PRKCA: variants seen among roughly 807,000 people sequenced by gnomAD.
PRKCA encodes the protein protein kinase C alpha type.
PRKCA carries 27 observed loss-of-function variants against 87.0 expected under a neutral mutation model. That is an observed-to-expected ratio of 0.31 (90% CI 0.23 to 0.43). The LOEUF is 0.43. PRKCA is among the 20% of genes least tolerant of loss of function. The pLI is 1.00. For synonymous variants in PRKCA, 329 were observed against 311.1 expected, an observed-to-expected ratio of 1.06 and a Z score of -0.61; for missense variants, 518 against 852.3, an observed-to-expected ratio of 0.61 and a Z score of 4.88.
At chr17:66,723,099 C>T (rs542005151) in intron 8 of PRKCA, among the ~76,000 whole-genome samples, 19 of 152,192 alleles carry the variant, frequency 1.2e-4, no homozygotes, top group Non-Finnish European at 2.6e-4. Flanking sequence ...GGATGTGCCT[C>T]AACCTCACAA....
chr17:66,493,423 A>C (rs926396259), intron 2 of PRKCA, among the ~76,000 whole-genome samples: 1 of 152,068 alleles, frequency 6.6e-6, no homozygotes, highest in Non-Finnish European at 1.5e-5. Flanking sequence ...CTGCCAGTGC[A>C]TATGACATGA....
At chr17:66,397,475 G>A (rs1402869632) in intron 2 of PRKCA, among the ~76,000 whole-genome samples, 2 of 151,842 alleles carry the variant, frequency 1.3e-5, no homozygotes, top group Non-Finnish European at 2.9e-5. Context: ...AGGACTTTAA[G>A]GAAGAAAAGA....
intron 2 of PRKCA, among the ~76,000 whole-genome samples, chr17:66,414,502 C>A (rs920916476): frequency 3.3e-5 from 5 of 152,272 alleles, no homozygotes; most frequent in African/African-American, 1.2e-4. Context: ...TACCCAGTCT[C>A]AGGTATTTCC....
chr17:66,592,895 C>T (rs1024065375), intron 3 of PRKCA, among the ~76,000 whole-genome samples: 10 of 152,204 alleles, frequency 6.6e-5, no homozygotes, highest in South Asian at 4.1e-4. Flanking sequence ...TGGGTTCAAG[C>T]GATTCTCCTG....
chr17:66,533,604 G>A (rs1272175469), intron 3 of PRKCA, among the ~76,000 whole-genome samples: 1 of 152,174 alleles, frequency 6.6e-6, no homozygotes, highest in Non-Finnish European at 1.5e-5. Flanking sequence ...GACTCATCTT[G>A]CCCATTCATT....
In PRKCA at chr17:66,711,525, T is replaced by G. The variant is rs1316013486; in HGVS notation, c.919-21163T>G. On this transcript the variant is annotated intron_variant, in intron 8 of 16. Coordinates refer to ENST00000413366, the MANE Select transcript of PRKCA (RefSeq NM_002737.3). ...TTGCATGTAAATGGTTTTAAAAACC[T>G]GGTCTATTATTGTCATTTCTGATAG... 2.0e-5 allele frequency among the ~76,000 whole-genome samples: 3 copies of G among 152,220 alleles called. No individual in the cohort carries two copies. In the South Asian group the frequency reaches 6.2e-4, roughly 31 times the overall value.
intron 2 of PRKCA, among the ~76,000 whole-genome samples, chr17:66,427,924 G>A (rs1598663207): frequency 6.6e-6 from 1 of 152,304 alleles, no homozygotes; most frequent in African/African-American, 2.4e-5. Flanking sequence ...CTCCAAACGA[G>A]GACAAAGTTA....
chr17:66,757,635 A>T (rs1042873003), intron 13 of PRKCA, among the ~76,000 whole-genome samples: 2 of 151,888 alleles, frequency 1.3e-5, no homozygotes, highest in Non-Finnish European at 2.9e-5. Flanking sequence ...TTCAAAAGGG[A>T]AGGAGAAATA....
intron 3 of PRKCA, among the ~76,000 whole-genome samples, chr17:66,566,482 T>A (rs1014701435): frequency 1.1e-5 from 1 of 94,134 alleles, no homozygotes; most frequent in Non-Finnish European, 2.6e-5. Context: ...GTTTTTTGGT[T>A]TTTTTTTTTT....
intron 2 of PRKCA, among the ~76,000 whole-genome samples, chr17:66,440,574 G>T (rs1040981406): frequency 4.6e-5 from 7 of 152,170 alleles, no homozygotes; most frequent in Admixed American, 4.6e-4. Context: ...GGCAGTGAGT[G>T]ACAGGCAGGA....
chr17:66,351,390 A>G (rs1174031363), intron 2 of PRKCA, among the ~76,000 whole-genome samples: 9 of 152,086 alleles, frequency 5.9e-5, no homozygotes, highest in Admixed American at 5.2e-4. Context: ...GTTGGTTCCT[A>G]TGGTATGTGT....
chr17:66,518,620 T>C (rs1967050856), intron 3 of PRKCA, among the ~76,000 whole-genome samples: 1 of 152,160 alleles, frequency 6.6e-6, no homozygotes, highest in Admixed American at 6.6e-5. Context: ...TCCTGAAATT[T>C]GACAGATGGA....
intron 2 of PRKCA, among the ~76,000 whole-genome samples, chr17:66,432,624 G>C (rs534493797): frequency 6.6e-6 from 1 of 152,276 alleles, no homozygotes; most frequent in African/African-American, 2.4e-5. Flanking sequence ...GGAGAACCTA[G>C]GCCTTGTCAC....
chr17:66,441,162 CAAAAAAAAAAAAAAAAA>C (rs199828612), intron 2 of PRKCA, among the ~76,000 whole-genome samples: 1 of 107,176 alleles, frequency 9.3e-6, no homozygotes, highest in African/African-American at 4.0e-5. Flanking sequence ...ACTCTGTCTC[CAAAAAAAAAAAAAAAAA>C]AAAAAAAAAG....
At chr17:66,471,291 C>A (rs976175146) in intron 2 of PRKCA, among the ~76,000 whole-genome samples, 2 of 152,206 alleles carry the variant, frequency 1.3e-5, no homozygotes, top group African/African-American at 4.8e-5. Context: ...GAACTGTGTT[C>A]TCTGGCAATG....
intron 3 of PRKCA, among the ~76,000 whole-genome samples, chr17:66,560,112 T>C (rs1968633352): frequency 6.6e-6 from 1 of 152,070 alleles, no homozygotes; most frequent in Non-Finnish European, 1.5e-5. Context: ...AAATAAATGG[T>C]GATCAATCCC....
Position 66,803,574 on chromosome 17 carries a change from C to T in PRKCA, c.1855-299C>T, listed in dbSNP as rs560400918. Among the ~76,000 whole-genome samples the T allele has an allele frequency of 1.7e-3, 258 of 152,322 alleles. 1 individual carries two copies. The highest frequency in any genetic ancestry group is 5.5e-3 in the African/African-American group (230 of 41,590). On this transcript the variant is annotated intron_variant, in intron 16 of 16. Transcript: ENST00000413366. This position sits in a 1 kb window ranked among gnomAD's most constrained non-coding sequence, Gnocchi z 4.4. ...TTCCGTGCTCTCAGCTCCGCTTGCT[C>T]GGTGAGGTGGACGTGAGGGGACAGG... is the stretch of plus-strand genomic sequence containing the variant.
chr17:66,694,766 TTA>T (rs1035415044), intron 8 of PRKCA, among the ~76,000 whole-genome samples: 1 of 94,946 alleles, frequency 1.1e-5, no homozygotes, highest in Non-Finnish European at 2.1e-5. Context: ...TTTCCAATGG[TTA>T]AAAAAAAAAA....
chr17:66,634,058 T>C (rs1221081747), intron 3 of PRKCA, among the ~76,000 whole-genome samples: 7 of 152,192 alleles, frequency 4.6e-5, no homozygotes, highest in Non-Finnish European at 8.8e-5. Flanking sequence ...GTAATGATGA[T>C]GGTGATAAAG....
Sources: allele counts gnomAD v4.1 joint callset (sites outside exome capture counted in the v4.1 genomes callset), GRCh38; gene constraint gnomAD v4.1.1; non-coding constraint Gnocchi (gnomAD v3.1); transcripts MANE v1.5; gene names NCBI Gene and HGNC (gene_info 2026-07-23, HGNC 2026-07-21).